ANKRD55: variants seen among roughly 807,000 people sequenced by gnomAD.
ANKRD55 encodes ankyrin repeat domain-containing protein 55.
ANKRD55 carries 41 observed loss-of-function variants against 60.6 expected under a neutral mutation model. The observed-to-expected ratio is 0.68, with a 90% CI of 0.53 to 0.88. The LOEUF is 0.88. Among genes scored for constraint, ANKRD55 ranks in the 40% least tolerant of loss-of-function variants. ANKRD55 has a pLI of 0.00. For missense variants in ANKRD55, 732 were observed against 767.6 expected (o/e 0.95, Z 0.55); for synonymous variants, 264 against 290.3 (o/e 0.91, Z 0.92).
Position 56,111,339 on chromosome 5 carries a change from G to A in ANKRD55, c.1409C>T (p.Ser470Phe), listed in dbSNP as rs1421441047. 2.5e-6 allele frequency: 4 copies of A among 1,614,044 alleles called. No homozygotes were observed. The highest frequency in any genetic ancestry group is 3.4e-6 in the Non-Finnish European group (4 of 1,180,054). The part of the protein sequence containing the change: ...SSAPHHMAQR[S>F]QKSRSEQDLL... ...ATCCTGCTCACTTCGACTTTTCTGAGATCGCTGGGCCATATGATGAGGAGC... is the reference window on the plus strand; with the variant it reads ...ATCCTGCTCACTTCGACTTTTCTGAAATCGCTGGGCCATATGATGAGGAGC... Residue 470 changes from serine to phenylalanine, a missense_variant, in exon 10 of 12, where the codon TCT becomes TTT. By Grantham distance (155) the Ser-to-Phe change is radical (BLOSUM62 -2). This residue lies in a region of ANKRD55 where 597 missense variants were observed against 607.5 expected (regional missense o/e 0.98). Transcript: ENST00000341048.
intron 5 of ANKRD55, among the ~76,000 whole-genome samples, chr5:56,164,115 A>C (rs187914090): frequency 5.8e-4 from 88 of 152,258 alleles, no homozygotes; most frequent in African/African-American, 1.8e-3. Flanking sequence ...AAAACAAACA[A>C]AAAATTCTAT....
intron 2 of ANKRD55, among the ~76,000 whole-genome samples, chr5:56,200,057 A>G (rs1352546358): frequency 6.6e-6 from 1 of 152,200 alleles, no homozygotes; most frequent in African/African-American, 2.4e-5. Context: ...CAAAAAGTCT[A>G]TAGAGATAAT....
intron 6 of ANKRD55, among the ~76,000 whole-genome samples, chr5:56,154,660 C>T (rs1487752480): frequency 6.8e-6 from 1 of 147,656 alleles, no homozygotes; most frequent in African/African-American, 2.5e-5. Flanking sequence ...TCTCAGATCA[C>T]TGCAACCTCC....
intron 7 of ANKRD55, among the ~76,000 whole-genome samples, chr5:56,129,073 G>GA (rs1757345452): frequency 6.6e-6 from 1 of 152,156 alleles, no homozygotes; most frequent in Non-Finnish European, 1.5e-5. Flanking sequence ...GGGAGCCTTA[G>GA]AAAACACTAG....
intron 7 of ANKRD55, among the ~76,000 whole-genome samples, chr5:56,135,294 G>GCCTGCCTGCCTT (rs1757546881): frequency 1.2e-5 from 1 of 84,386 alleles, no homozygotes; most frequent in Non-Finnish European, 2.4e-5. Context: ...CTGCCTGCTT[G>GCCTGCCTGCCTT]CTTTCTTTCT....
intron 2 of ANKRD55, among the ~76,000 whole-genome samples, chr5:56,230,172 C>T (rs152350): frequency 0.48 from 72,682 of 151,926 alleles, 21,543 homozygotes; most frequent in East Asian, 0.86. Flanking sequence ...CTCAGCTCAC[C>T]GCAACCTCCA....
rs1758792290 is a variant in ANKRD55, at chr5:56,178,725, C to T, written c.182-2443G>A. 1.3e-5 allele frequency among the ~76,000 whole-genome samples: 2 copies of T among 150,164 alleles called. 1 individual carries two copies. The highest frequency in any genetic ancestry group is 4.2e-4 in the South Asian group (2 of 4,802). ...TGGGTGACATAAAAGAAGAACTAAA[C>T]ATGGGAAGATACTATGTTTATGAAG... On this transcript the variant is annotated intron_variant, in intron 3 of 11. Coordinates refer to ENST00000341048, the MANE Select transcript of ANKRD55 (RefSeq NM_024669.3).
At chr5:56,158,847 C>G (rs1254289437) in intron 6 of ANKRD55, among the ~76,000 whole-genome samples, 1 of 152,012 alleles carries the variant, frequency 6.6e-6, no homozygotes. Context: ...GCATGTGCCA[C>G]CACACCCAGC....
rs185628778 is a variant in ANKRD55 at position 56,100,296 on chromosome 5, C to T, written c.1732G>A (p.Gly578Arg). Reference protein sequence around the residue: ...APLPDQKFLSGEPLRTNRVLP... With the variant: ...APLPDQKFLSREPLRTNRVLP... ...ACTCGGTTTGTCCGCAGAGGTTCTC[C>T]AGATAGAACTGGGAAGAAAGAATAG... The change falls in exon 12 of 12, where the codon GGA (glycine) becomes AGA (arginine). Residue 578 changes from glycine (G) to arginine (R), a missense_variant. Around this residue, in one of 3 missense-constraint regions of ANKRD55, gnomAD observed 597 missense variants for 607.5 expected, o/e 0.98. Transcript: ENST00000341048. 9 of 1,613,978 alleles carry T rather than the reference C, an allele frequency of 5.6e-6. No individual in the cohort carries two copies. The East Asian group carries it at 1.1e-4, about 20-fold the overall frequency.
chr5:56,135,347 CTT>C (rs1234249440), intron 7 of ANKRD55, among the ~76,000 whole-genome samples: 1 of 30,584 alleles, frequency 3.3e-5, no homozygotes, highest in Non-Finnish European at 6.4e-5. Flanking sequence ...TTCTTTCTTT[CTT>C]TCTTTCTTTC....
intron 7 of ANKRD55, chr5:56,136,987 C>A: frequency 1.6e-6 from 1 of 629,856 alleles, no homozygotes. Context: ...AAATGATTCG[C>A]TCTTCACTTG....
rs1756679834 is a variant in ANKRD55 at position 56,111,137 on chromosome 5, A to C, written c.1611T>G (p.His537Gln). ...CATTACCTGATGATGGATTATGTAG[A>C]TGGCGAAGGTGTGGTGGCACGGAGA... Reference protein sequence around the residue: ...QEVSVPPHLRHLHNPSSGQNF... With the variant: ...QEVSVPPHLRQLHNPSSGQNF... Residue 537 changes from histidine to glutamine, a missense_variant, in exon 10 of 12, where the codon CAT (histidine) becomes CAG (glutamine). By Grantham distance (24) the His-to-Gln change is conservative. This residue lies in a region of ANKRD55 where 597 missense variants were observed against 607.5 expected (regional missense o/e 0.98). Transcript: ENST00000341048. 6.2e-7 allele frequency: 1 copy of C among 1,613,680 alleles called. No individual in the cohort carries two copies. The highest frequency in any genetic ancestry group is 1.3e-5 in the African/African-American group (1 of 74,930).
At position 56,188,192 on chromosome 5, in the gene ANKRD55, G is replaced by A. The variant is rs147411446; in HGVS notation, c.59-4558C>T. ...GATTCAGGGATGTGACCCAATTAGAGCCCACGAAAAGCAATGATACGTTTG... is the reference window on the plus strand; with the variant it reads ...GATTCAGGGATGTGACCCAATTAGAACCCACGAAAAGCAATGATACGTTTG... On this transcript the variant is annotated intron_variant, in intron 2 of 11. Transcript: ENST00000341048. 1.8e-4 allele frequency among the ~76,000 whole-genome samples: 27 copies of A among 152,120 alleles called. 1 individual carries two copies. The East Asian group carries it at 5.2e-3, about 29-fold the overall frequency.
At chr5:56,199,174 G>A (rs768219587) in intron 2 of ANKRD55, among the ~76,000 whole-genome samples, 1 of 152,088 alleles carries the variant, frequency 6.6e-6, no homozygotes, top group Non-Finnish European at 1.5e-5. Flanking sequence ...GTGGAATAAG[G>A]AATTTTACAA....
chr5:56,144,518 G>C (rs1183323711), intron 6 of ANKRD55, among the ~76,000 whole-genome samples: 2 of 146,616 alleles, frequency 1.4e-5, no homozygotes, highest in Non-Finnish European at 3.0e-5. Flanking sequence ...AGGAGGGGAA[G>C]AGAGCAATGT....
chr5:56,198,569 G>A (rs1466383928), intron 2 of ANKRD55, among the ~76,000 whole-genome samples: 5 of 152,020 alleles, frequency 3.3e-5, no homozygotes. Flanking sequence ...ATAGGCGTGA[G>A]CCACCGCGCC....
intron 8 of ANKRD55, among the ~76,000 whole-genome samples, chr5:56,119,935 C>A (rs1347620103): frequency 6.6e-6 from 1 of 151,958 alleles, no homozygotes; most frequent in Non-Finnish European, 1.5e-5. Flanking sequence ...AAAAACTAAA[C>A]AAACAAAACC....
intron 9 of ANKRD55, among the ~76,000 whole-genome samples, chr5:56,114,469 A>G (rs1346781129): frequency 6.6e-6 from 1 of 152,246 alleles, no homozygotes; most frequent in East Asian, 1.9e-4. Flanking sequence ...TTATATTCAC[A>G]TTGTAAGCTT....
chr5:56,147,077 G>A (rs958595751), intron 6 of ANKRD55, among the ~76,000 whole-genome samples: 2 of 152,188 alleles, frequency 1.3e-5, no homozygotes, highest in Admixed American at 1.3e-4. Context: ...GGGGTGGGGT[G>A]GGAGGAGTGC....
Sources: allele counts gnomAD v4.1 joint callset (sites outside exome capture counted in the v4.1 genomes callset), GRCh38; gene constraint gnomAD v4.1.1; regional missense constraint gnomAD v4.1.1; transcripts MANE v1.5; gene names NCBI Gene and HGNC (gene_info 2026-07-23, HGNC 2026-07-21).